Variants in ASTN2 observed in about 807,000 individuals in gnomAD.
ASTN2 encodes astrotactin-2.
In ASTN2, 54 loss-of-function variants were observed where a neutral mutation model predicts 139.8. That is an observed-to-expected ratio of 0.39 (90% CI 0.31 to 0.48). The LOEUF (loss-of-function observed/expected upper bound fraction) is 0.48. Ranked by LOEUF, ASTN2 falls within the 20% of genes least tolerant of loss-of-function variation. ASTN2 has a pLI of 0.95. For synonymous variants in ASTN2, 756 were observed against 719.5 expected (o/e 1.05, Z -0.81); for missense variants, 1,565 against 1,725.1 (o/e 0.91, Z 1.64).
chr9:116,547,954 C>T (rs1357931151), intron 19 of ASTN2, among the ~76,000 whole-genome samples: 1 of 152,140 alleles, frequency 6.6e-6, no homozygotes, highest in Non-Finnish European at 1.5e-5. Flanking sequence ...CATACACTCC[C>T]AACTCACCCC....
At chr9:117,057,878 C>A (rs765769058) in intron 5 of ASTN2, among the ~76,000 whole-genome samples, 4 of 152,088 alleles carry the variant, frequency 2.6e-5, no homozygotes, top group Non-Finnish European at 4.4e-5. Context: ...TCAGGTTCCT[C>A]CAAAGATAAA....
Position 116,682,009 on chromosome 9 carries a change from G to C in ASTN2, c.2807-30216C>G, listed in dbSNP as rs1019814189. On this transcript the variant is annotated intron_variant, in intron 16 of 22. Transcript: ENST00000313400. ...AACATCAAAAGCAATGGCAACAAAA[G>C]CCAAAATTGACAAATGGGATCTAAT... is the stretch of plus-strand genomic sequence containing the variant. 2.6e-5 allele frequency among the ~76,000 whole-genome samples: 4 copies of C among 151,842 alleles called. No homozygotes were observed. The South Asian group carries it at 6.2e-4, about 24-fold the overall frequency.
chr9:117,014,369 G>T (rs1391248302), intron 6 of ASTN2, among the ~76,000 whole-genome samples: 1 of 152,106 alleles, frequency 6.6e-6, no homozygotes, highest in Non-Finnish European at 1.5e-5. Context: ...TTTTGAGTAT[G>T]GGTAAAGGCA....
intron 16 of ASTN2, 39 bp from the exon 17 acceptor site, chr9:116,651,832 C>G (rs748844081): frequency 5.6e-6 from 9 of 1,596,198 alleles, no homozygotes; most frequent in Non-Finnish European, 7.7e-6. Flanking sequence ...AAGGTAAACT[C>G]AGGATTATTC....
intron 10 of ASTN2, among the ~76,000 whole-genome samples, chr9:116,953,335 T>C (rs1835616858): frequency 6.6e-6 from 1 of 152,238 alleles, no homozygotes; most frequent in Admixed American, 6.5e-5. Context: ...TTCTAAACCC[T>C]TGCTTTTCCC....
chr9:117,217,236 A>T (rs1226261196), intron 2 of ASTN2, among the ~76,000 whole-genome samples: 2 of 152,210 alleles, frequency 1.3e-5, no homozygotes, highest in African/African-American at 4.8e-5. Flanking sequence ...GAAGATTTTC[A>T]TTCTGGCCCA....
intron 1 of ASTN2, among the ~76,000 whole-genome samples, chr9:117,385,757 G>A (rs1160673716): frequency 6.6e-6 from 1 of 152,054 alleles, no homozygotes; most frequent in Non-Finnish European, 1.5e-5. Context: ...GAGCAAGAGA[G>A]AGGATATGGA....
intron 4 of ASTN2, among the ~76,000 whole-genome samples, chr9:117,139,852 T>C (rs1321808820): frequency 6.6e-6 from 1 of 152,214 alleles, no homozygotes; most frequent in African/African-American, 2.4e-5. Context: ...AAATGTGCCA[T>C]GCATGTTAAG....
At chr9:116,634,262 C>T (rs556397092) in intron 17 of ASTN2, among the ~76,000 whole-genome samples, 1 of 152,074 alleles carries the variant, frequency 6.6e-6, no homozygotes, top group Non-Finnish European at 1.5e-5. Flanking sequence ...AGGTCCTGAA[C>T]TTGGGTATTC....
chr9:117,263,550 C>T (rs1032398253), intron 2 of ASTN2, among the ~76,000 whole-genome samples: 1 of 152,144 alleles, frequency 6.6e-6, no homozygotes, highest in Non-Finnish European at 1.5e-5. Flanking sequence ...CGTATAGCTT[C>T]AGTCATTGAT....
At chr9:117,392,458 CTTCT>C (rs1830566277) in intron 1 of ASTN2, among the ~76,000 whole-genome samples, 1 of 152,122 alleles carries the variant, frequency 6.6e-6, no homozygotes, top group Non-Finnish European at 1.5e-5. Flanking sequence ...TTTTCTCTTT[CTTCT>C]TTGTTTTGTA....
chr9:116,571,014 TAG>T (rs1564124801), intron 19 of ASTN2, among the ~76,000 whole-genome samples: 1 of 152,184 alleles, frequency 6.6e-6, no homozygotes, highest in Non-Finnish European at 1.5e-5. Flanking sequence ...ATTTGCTGCC[TAG>T]AGAAAGTCAG....
At chr9:116,794,096 CTTTTTTTT>C (rs35428342) in intron 13 of ASTN2, among the ~76,000 whole-genome samples, 35 of 123,838 alleles carry the variant, frequency 2.8e-4, no homozygotes, top group African/African-American at 1.0e-3. Context: ...AAATAAACAC[CTTTTTTTT>C]TTTTTTTTTT....
intron 4 of ASTN2, among the ~76,000 whole-genome samples, chr9:117,126,750 AATT>A (rs1829698085): frequency 2.0e-5 from 3 of 152,294 alleles, no homozygotes; most frequent in African/African-American, 4.8e-5. Flanking sequence ...AATAATCTGT[AATT>A]ATTATACTTG....
chr9:116,785,190 C>T (rs1830337499), intron 13 of ASTN2, among the ~76,000 whole-genome samples: 1 of 152,150 alleles, frequency 6.6e-6, no homozygotes, highest in South Asian at 2.1e-4. Flanking sequence ...CTTCTTGTGT[C>T]ACTGGGAGCT....
Position 117,229,112 on chromosome 9 carries a change from A to C in ASTN2, c.631-14370T>G, listed in dbSNP as rs77725221. ...CCAGCTACCTGTCACCTTACCCTTA[A>C]CAACTCCTCTCATCCCTGAGATAAT... On this transcript the variant is annotated intron_variant, in intron 2 of 22. Coordinates refer to ENST00000313400, the MANE Select transcript of ASTN2 (RefSeq NM_001365068.1). Among the ~76,000 whole-genome samples the C allele has an allele frequency of 1.4e-3, 209 of 152,280 alleles. 4 individuals carry two copies. The East Asian group carries it at 0.035, about 26-fold the overall frequency.
chr9:116,653,921 G>A (rs1858062618), intron 16 of ASTN2, among the ~76,000 whole-genome samples: 1 of 152,218 alleles, frequency 6.6e-6, no homozygotes, highest in African/African-American at 2.4e-5. Context: ...AGGGATTAAA[G>A]AAGGGTAGTT....
chr9:117,085,034 C>T (rs1828525807), intron 5 of ASTN2, among the ~76,000 whole-genome samples: 1 of 152,184 alleles, frequency 6.6e-6, no homozygotes, highest in Non-Finnish European at 1.5e-5. Context: ...AAGTAGGAAG[C>T]ACCAGAGTGC....
chr9:117,193,656 A>AAG (rs1831410484), intron 3 of ASTN2, among the ~76,000 whole-genome samples: 2 of 148,560 alleles, frequency 1.3e-5, no homozygotes, highest in South Asian at 4.3e-4. Flanking sequence ...AAAAAAAAAA[A>AAG]GAAAAAGAAA....
Sources: gnomAD v4.1 joint callset for allele counts (sites outside exome capture counted in the v4.1 genomes callset) on GRCh38, gnomAD v4.1.1 for gene constraint, MANE v1.5 for transcripts, NCBI Gene and HGNC (gene_info 2026-07-23, HGNC 2026-07-21) for gene names.